The following SEM1 variants were observed in gnomAD, a reference collection of about 807,000 sequenced individuals.
The protein encoded by SEM1 is SEM1 26S proteasome subunit.
Under a neutral mutation model 12.7 loss-of-function variants are expected in SEM1, and 3 were observed. That is an observed-to-expected ratio of 0.24 (90% CI 0.11 to 0.61). SEM1 has a LOEUF of 0.61. Ranked by LOEUF, SEM1 falls within the 20% of genes least tolerant of loss-of-function variation. The pLI, the probability that SEM1 is intolerant of heterozygous loss-of-function variation, is 0.88. For synonymous variants in SEM1, 30 were observed against 27.8 expected (o/e 1.08, Z -0.25); for missense variants, 59 against 81.3 (o/e 0.73, Z 1.06).
At chr7:96,500,284 G>A (rs1326118360), upstream of SEM1, among the ~76,000 whole-genome samples, 4 of 151,798 alleles carry the variant, frequency 2.6e-5, no homozygotes, top group Admixed American at 6.6e-5. Context: ...CTTGGTGGCC[G>A]CATCGAAGGC....
chr7:96,486,165 C>CT (rs61271460), intron 2 of SEM1: 53,834 of 1,051,588 alleles, frequency 0.051, 23 homozygotes, highest in Non-Finnish European at 0.057. Flanking sequence ...TTTTTTCTAC[C>CT]TTTTTTTTTT....
intron 2 of SEM1, among the ~76,000 whole-genome samples, chr7:96,555,759 C>T (rs1805466962): frequency 6.9e-6 from 1 of 144,148 alleles, no homozygotes; most frequent in Non-Finnish European, 1.5e-5. Flanking sequence ...GACTTTCTGT[C>T]TCGTTGATCT....
intron 2 of SEM1, among the ~76,000 whole-genome samples, chr7:96,581,374 C>G (rs185828259): frequency 0.017 from 2,627 of 152,096 alleles, 79 homozygotes; most frequent in African/African-American, 0.06. Context: ...GTGACTGTAG[C>G]CTTGTAGTAT....
intron 2 of SEM1, chr7:96,486,178 C>A (rs1268950458): frequency 3.5e-6 from 5 of 1,416,178 alleles, no homozygotes; most frequent in Non-Finnish European, 1.9e-6. Context: ...TTTTTTTTTT[C>A]CTCCTGTGGC....
At chr7:96,546,127 T>C (rs1805095763) in intron 2 of SEM1, among the ~76,000 whole-genome samples, 1 of 152,106 alleles carries the variant, frequency 6.6e-6, no homozygotes, top group Non-Finnish European at 1.5e-5. Flanking sequence ...CTGCCAATCA[T>C]GTTGAATCTT....
chr7:96,608,754 C>A (rs1807457674), intron 2 of SEM1, among the ~76,000 whole-genome samples: 1 of 152,190 alleles, frequency 6.6e-6, no homozygotes, highest in South Asian at 2.1e-4. Flanking sequence ...TACAATACTT[C>A]CCTCCTCTTT....
chr7:96,625,754 C>G (rs987164253), intron 2 of SEM1, among the ~76,000 whole-genome samples: 2 of 152,146 alleles, frequency 1.3e-5, no homozygotes, highest in African/African-American at 2.4e-5. Context: ...TGTAGAACAG[C>G]AGTTCTTAAA....
chr7:96,638,670 A>G, intron 2 of SEM1, among the ~76,000 whole-genome samples: 1 of 152,042 alleles, frequency 6.6e-6, no homozygotes, highest in Non-Finnish European at 1.5e-5. Context: ...CCCCATAGTA[A>G]TAAATATTCT....
downstream of SEM1, among the ~76,000 whole-genome samples, chr7:96,671,994 C>T (rs768360811): frequency 1.3e-5 from 2 of 152,210 alleles, no homozygotes; most frequent in Non-Finnish European, 2.9e-5. Context: ...AAATATAGTA[C>T]TCCCTGGCTG....
chr7:96,675,160 G>C (rs1337678937), intron 2 of SEM1, among the ~76,000 whole-genome samples: 2 of 151,754 alleles, frequency 1.3e-5, no homozygotes, highest in Non-Finnish European at 2.9e-5. Flanking sequence ...TTTCTATCTT[G>C]GAGAGAAGAG....
chr7:96,707,545 T>A (rs1291121634), intron 1 of SEM1, among the ~76,000 whole-genome samples: 1 of 152,254 alleles, frequency 6.6e-6, no homozygotes, highest in African/African-American at 2.4e-5. Context: ...ACAACAAACA[T>A]TCTGTAAGGA....
intron 2 of SEM1, among the ~76,000 whole-genome samples, chr7:96,510,014 C>T (rs1321492358): frequency 1.3e-5 from 2 of 152,080 alleles, no homozygotes; most frequent in African/African-American, 2.4e-5. Context: ...CTTAATACTG[C>T]TGAACTATAT....
rs944108253 is a variant in SEM1, at chr7:96,709,777, G to A, written c.-14C>T. 9 of 1,613,166 alleles carry A rather than the reference G, an allele frequency of 5.6e-6. No individual in the cohort carries two copies. Among genetic ancestry groups the A allele is most frequent in the Admixed American group, 5.0e-5 (3 of 59,936 alleles). ...TTTCTCTGACATCTCGACTGTCCGC[G>A]CCCAACACCTCCCAGATAAGCAGAA... On this transcript the variant is annotated 5_prime_UTR_variant, in exon 1 of 3. Transcript: ENST00000248566.
chr7:96,660,965 A>G (rs1788983919), intron 2 of SEM1, among the ~76,000 whole-genome samples: 1 of 152,214 alleles, frequency 6.6e-6, no homozygotes, highest in African/African-American at 2.4e-5. Context: ...AGAACAAGTG[A>G]AAGGAAGCTA....
intron 2 of SEM1, chr7:96,650,357 A>G: frequency 3.5e-6 from 2 of 564,456 alleles, no homozygotes; most frequent in Non-Finnish European, 3.1e-6. Context: ...ATGAGAAGAC[A>G]GGATTTCATC....
At chr7:96,574,846 C>T (rs1429646998) in intron 2 of SEM1, among the ~76,000 whole-genome samples, 4 of 152,150 alleles carry the variant, frequency 2.6e-5, no homozygotes, top group African/African-American at 9.7e-5. Flanking sequence ...ACTGGTTATT[C>T]TAGTTAGCAA....
At chr7:96,483,900 C>T (rs1289368244) in exon 4 of SEM1, 1 of 1,536,648 alleles carries the variant, frequency 6.5e-7, no homozygotes, top group African/African-American at 1.4e-5. Flanking sequence ...TAGAGGTCAC[C>T]CGAATGGCAG....
At chr7:96,603,474 T>C (rs901613845) in intron 2 of SEM1, among the ~76,000 whole-genome samples, 3 of 152,142 alleles carry the variant, frequency 2.0e-5, no homozygotes, top group African/African-American at 7.2e-5. Flanking sequence ...CACCTGCTCA[T>C]TGAGAGAGAA....
intron 2 of SEM1, among the ~76,000 whole-genome samples, chr7:96,540,950 CAT>C (rs1584748541): frequency 6.6e-6 from 1 of 151,838 alleles, no homozygotes; most frequent in East Asian, 1.9e-4. Context: ...TATTCCACAG[CAT>C]ATATGGACCA....
Sources: gnomAD v4.1 joint callset for allele counts (sites outside exome capture counted in the v4.1 genomes callset) on GRCh38, gnomAD v4.1.1 for gene constraint, MANE v1.5 for transcripts, NCBI Gene and HGNC (gene_info 2026-07-23, HGNC 2026-07-21) for gene names.